PXDC1: variants seen among roughly 807,000 people sequenced by gnomAD.
PXDC1 encodes the protein PX domain-containing protein 1.
A neutral mutation model predicts 24.4 loss-of-function variants in PXDC1; 13 were observed. The observed-to-expected ratio is 0.53, with a 90% CI of 0.35 to 0.85. The LOEUF is 0.85. Among genes scored for constraint, PXDC1 ranks in the 40% least tolerant of loss-of-function variants. The probability of loss-of-function intolerance (pLI) is 0.01; values close to 1 mark genes in which losing one functional copy is unlikely to be tolerated. For missense variants in PXDC1, 344 were observed against 309.3 expected, an observed-to-expected ratio of 1.11 and a Z score of -0.84; for synonymous variants, 162 against 124.9, an observed-to-expected ratio of 1.30 and a Z score of -1.98.
At chr6:3,750,846 T>G (rs1375324933) in intron 1 of PXDC1, among the ~76,000 whole-genome samples, 1 of 152,026 alleles carries the variant, frequency 6.6e-6, no homozygotes, top group African/African-American at 2.4e-5. Context: ...GACCCCCGGC[T>G]CGGACCCTGC....
chr6:3,734,478 C>T (rs1760271465), intron 3 of PXDC1, among the ~76,000 whole-genome samples: 1 of 152,196 alleles, frequency 6.6e-6, no homozygotes, highest in Non-Finnish European at 1.5e-5. Flanking sequence ...CTTCCCCATG[C>T]TCTGCACTAC....
Position 3,741,573 on chromosome 6 carries a change from G to A in PXDC1, c.257-3425C>T, listed in dbSNP as rs190613541. ...ACAGTTCACCTGAATGACAACGAGC[G>A]CTGATCCCTTCCCCAGGAGGGGCCG... On this transcript the variant is annotated intron_variant, in intron 1 of 4. Transcript: ENST00000380283. Among the ~76,000 whole-genome samples, 787 of 152,326 alleles carry A rather than the reference G, an allele frequency of 5.2e-3. 5 individuals carry two copies. Among genetic ancestry groups the A allele is most frequent in the Non-Finnish European group, 7.9e-3 (539 of 68,032 alleles).
At chr6:3,746,884 G>A (rs1237241945) in intron 1 of PXDC1, among the ~76,000 whole-genome samples, 1 of 152,098 alleles carries the variant, frequency 6.6e-6, no homozygotes, top group Non-Finnish European at 1.5e-5. Context: ...TGTCAGGGTT[G>A]TGGGAGTCTG....
In PXDC1 at chr6:3,745,301, C is replaced by T. The variant is rs566363857; in HGVS notation, c.256+5975G>A. Among the ~76,000 whole-genome samples the T allele has an allele frequency of 2.0e-5, 3 of 152,392 alleles. No individual in the cohort carries two copies. The East Asian group carries it at 5.8e-4, about 29-fold the overall frequency. On this transcript the variant is annotated intron_variant, in intron 1 of 4. Coordinates refer to ENST00000380283, the MANE Select transcript of PXDC1 (RefSeq NM_183373.4). ...GCCTCCAGCACTCTCCCGCAGACCA[C>T]TGTCATCAAGGGCACGTGGCAAGTG...
At chr6:3,745,486 C>T (rs150688066) in intron 1 of PXDC1, among the ~76,000 whole-genome samples, 1 of 152,372 alleles carries the variant, frequency 6.6e-6, no homozygotes, top group East Asian at 1.9e-4. Flanking sequence ...GCTTGAGGAA[C>T]TTGCCTGGAA....
intron 1 of PXDC1, among the ~76,000 whole-genome samples, chr6:3,740,747 T>A (rs1267895013): frequency 6.6e-6 from 1 of 152,220 alleles, no homozygotes; most frequent in African/African-American, 2.4e-5. Context: ...AGGCTCATGA[T>A]GGGGCAAAGC....
In PXDC1 at chr6:3,737,467, G is replaced by T; in HGVS notation, c.349-271C>A. On this transcript the variant is annotated intron_variant, in intron 2 of 4. Coordinates refer to ENST00000380283, the MANE Select transcript of PXDC1 (RefSeq NM_183373.4). This position sits in a 1 kb window ranked among gnomAD's most constrained non-coding sequence, Gnocchi z 5.5. Reference sequence around the variant, plus strand: ...TGGCTCTGATGTGCCAGTTTCACTTGCGCCTCCCTCCCTCTATAGTCAACT... The same window carrying T: ...TGGCTCTGATGTGCCAGTTTCACTTTCGCCTCCCTCCCTCTATAGTCAACT... 5.8e-6 allele frequency: 1 copy of T among 171,414 alleles called. No individual in the cohort carries two copies. Among genetic ancestry groups the T allele is most frequent in the Non-Finnish European group, 1.2e-5 (1 of 85,580 alleles). The allele number at this position is 171,414 out of a possible 1,614,324, so 10.6% of individuals were successfully genotyped here.
chr6:3,738,014 A>G, intron 2 of PXDC1, 43 bp downstream of exon 2: 1 of 1,513,582 alleles, frequency 6.6e-7, no homozygotes, highest in Non-Finnish European at 9.1e-7. Context: ...AGGTGCCAGC[A>G]CCTCCCACCT....
chr6:3,745,418 T>C (rs1193540328), intron 1 of PXDC1, among the ~76,000 whole-genome samples: 1 of 152,248 alleles, frequency 6.6e-6, no homozygotes, highest in East Asian at 1.9e-4. Context: ...CTTTCGGTAC[T>C]CACAACGGCC....
chr6:3,749,981 G>A (rs1423686164), intron 1 of PXDC1, among the ~76,000 whole-genome samples: 1 of 152,232 alleles, frequency 6.6e-6, no homozygotes, highest in Admixed American at 6.5e-5. Flanking sequence ...AAGGAAAACT[G>A]CTTCCATGCT....
intron 3 of PXDC1, among the ~76,000 whole-genome samples, chr6:3,730,800 G>A (rs995636568): frequency 6.6e-6 from 1 of 152,292 alleles, no homozygotes; most frequent in South Asian, 2.1e-4. Flanking sequence ...ATGTGCCTTC[G>A]GCCAGAGCAC....
At position 3,725,715 on chromosome 6, in the gene PXDC1, C is replaced by T. The variant is rs998894070; in HGVS notation, c.578+1836G>A. On this transcript the variant is annotated intron_variant, in intron 4 of 4. Coordinates refer to ENST00000380283, the MANE Select transcript of PXDC1 (RefSeq NM_183373.4). This position sits in a 1 kb window ranked among gnomAD's most constrained non-coding sequence, Gnocchi z 4.8. ...CGCTGTCAACCCCCCACCCGACAGC[C>T]GGTGCCGTGTAGAAACAGATCGTCC... is the stretch of plus-strand genomic sequence containing the variant. Among the ~76,000 whole-genome samples the T allele has an allele frequency of 3.3e-5, 5 of 152,188 alleles. No homozygotes were observed. The highest frequency in any genetic ancestry group is 2.1e-4 in the South Asian group (1 of 4,820).
chr6:3,751,660 A>G lies in PXDC1; in HGVS notation c.-129T>C, dbSNP rs1760729291. 7.8e-7 allele frequency: 1 copy of G among 1,279,286 alleles called. No homozygotes were observed. The highest frequency in any genetic ancestry group is 9.9e-7 in the Non-Finnish European group (1 of 1,012,960). 79.2% of individuals were successfully genotyped at this position (1,279,286 alleles called of 1,614,324 possible). On this transcript the variant is annotated 5_prime_UTR_variant, in exon 1 of 5. Transcript: ENST00000380283. ...TCGTCCGGGGTCGGCCCGTCACTCC[A>G]AGGAGGCTGCGTATGGCCCGCGTTC...
At chr6:3,735,970 G>T (rs527768131) in intron 3 of PXDC1, among the ~76,000 whole-genome samples, 2 of 152,190 alleles carry the variant, frequency 1.3e-5, no homozygotes, top group South Asian at 4.2e-4. Flanking sequence ...ACCACCCTGC[G>T]CACACACAAT....
intron 1 of PXDC1, among the ~76,000 whole-genome samples, chr6:3,749,233 G>A (rs762033826): frequency 4.9e-4 from 74 of 150,358 alleles, no homozygotes; most frequent in Non-Finnish European, 1.6e-4. Context: ...CCAGCAGAGA[G>A]AGCAGCTCCA....
chr6:3,750,468 C>G (rs1317540717), intron 1 of PXDC1, among the ~76,000 whole-genome samples: 6 of 152,160 alleles, frequency 3.9e-5, no homozygotes, highest in Non-Finnish European at 7.3e-5. Flanking sequence ...CCCCTCCACC[C>G]CGCAATTCTT....
At chr6:3,727,351 C>T (rs953387580) in intron 4 of PXDC1, among the ~76,000 whole-genome samples, 200 bp downstream of exon 4, 2 of 152,204 alleles carry the variant, frequency 1.3e-5, no homozygotes, top group African/African-American at 4.8e-5. Context: ...GCCAGCAACT[C>T]CATCTTCCAC....
chr6:3,739,703 A>C (rs1760412080), intron 1 of PXDC1, among the ~76,000 whole-genome samples: 1 of 152,276 alleles, frequency 6.6e-6, no homozygotes, highest in Non-Finnish European at 1.5e-5. Context: ...TGGAGAAGGA[A>C]GAAAACGAGA....
At chr6:3,742,139 GA>G (rs1225192697) in intron 1 of PXDC1, among the ~76,000 whole-genome samples, 1 of 152,156 alleles carries the variant, frequency 6.6e-6, no homozygotes, top group Non-Finnish European at 1.5e-5. Context: ...TATTTTCCAG[GA>G]ACAGACAAGA....
Sources: gnomAD v4.1 joint callset for allele counts (sites outside exome capture counted in the v4.1 genomes callset) on GRCh38, gnomAD v4.1.1 for gene constraint, Gnocchi (gnomAD v3.1) non-coding constraint, MANE v1.5 for transcripts, NCBI Gene and HGNC (gene_info 2026-07-23, HGNC 2026-07-21) for gene names.